Variants in GPC5 observed in about 807,000 individuals in gnomAD.
GPC5 encodes glypican-5.
In GPC5, 47 loss-of-function variants were observed where a neutral mutation model predicts 53.9. The observed-to-expected ratio is 0.87, with a 90% CI of 0.69 to 1.11. GPC5 has a LOEUF of 1.11. Among genes scored for constraint, GPC5 ranks in the 50% most tolerant of loss-of-function variants. The probability of loss-of-function intolerance (pLI) is 0.00; values close to 1 mark genes in which losing one functional copy is unlikely to be tolerated. For synonymous variants in GPC5, 286 were observed against 263.3 expected (o/e 1.09, Z -0.84); for missense variants, 748 against 713.1 (o/e 1.05, Z -0.56).
chr13:92,504,964 T>A (rs1880316192), intron 7 of GPC5, among the ~76,000 whole-genome samples: 1 of 149,642 alleles, frequency 6.7e-6, no homozygotes. Context: ...GAAAGTCATA[T>A]CTATATATAT....
At chr13:91,930,500 G>A (rs570128679) in intron 6 of GPC5, among the ~76,000 whole-genome samples, 12 of 151,704 alleles carry the variant, frequency 7.9e-5, no homozygotes, top group South Asian at 6.3e-4. Context: ...AAATTCTACC[G>A]TAGATAAACA....
At chr13:92,199,566 T>G (rs967120768) in intron 7 of GPC5, among the ~76,000 whole-genome samples, 1 of 152,232 alleles carries the variant, frequency 6.6e-6, no homozygotes, top group African/African-American at 2.4e-5. Context: ...CTGTCTACTT[T>G]CAATTAGACT....
At chr13:92,710,231 A>G (rs1888086907) in intron 7 of GPC5, among the ~76,000 whole-genome samples, 1 of 152,186 alleles carries the variant, frequency 6.6e-6, no homozygotes, top group Admixed American at 6.5e-5. Flanking sequence ...TAAATATCAG[A>G]TATATCTTAA....
chr13:91,600,342 AGAGAGAGT>A (rs1374284227), intron 2 of GPC5, among the ~76,000 whole-genome samples: 406 of 50,142 alleles, frequency 8.1e-3, no homozygotes, highest in African/African-American at 0.023. Flanking sequence ...AGAGAGAGAG[AGAGAGAGT>A]GTGTGTGTGT....
chr13:91,584,481 G>C (rs1594291075), intron 2 of GPC5, among the ~76,000 whole-genome samples: 1 of 152,032 alleles, frequency 6.6e-6, no homozygotes, highest in African/African-American at 2.4e-5. Context: ...TAAACTATCA[G>C]TAAATATCTT....
intron 7 of GPC5, among the ~76,000 whole-genome samples, chr13:92,631,326 G>T (rs1002295975): frequency 1.3e-5 from 2 of 151,952 alleles, no homozygotes; most frequent in Non-Finnish European, 2.9e-5. Context: ...TTTACTCTTT[G>T]CATTTCTAGA....
chr13:92,215,137 T>A (rs1226964286), intron 7 of GPC5, among the ~76,000 whole-genome samples: 1 of 152,296 alleles, frequency 6.6e-6, no homozygotes, highest in South Asian at 2.1e-4. Flanking sequence ...CAAAGTATTA[T>A]GCTAGCAGGA....
intron 6 of GPC5, among the ~76,000 whole-genome samples, chr13:92,005,902 G>A (rs2040602345): frequency 6.6e-6 from 1 of 152,140 alleles, no homozygotes; most frequent in Non-Finnish European, 1.5e-5. Context: ...CATAGATAGT[G>A]GGAGAAAAGT....
chr13:91,600,074 C>T (rs899075369), intron 2 of GPC5, among the ~76,000 whole-genome samples: 1 of 152,108 alleles, frequency 6.6e-6, no homozygotes, highest in Non-Finnish European at 1.5e-5. Flanking sequence ...GCACATGCCA[C>T]CACACCCAGC....
At chr13:91,615,434 C>A (rs1471225137) in intron 2 of GPC5, among the ~76,000 whole-genome samples, 1 of 152,106 alleles carries the variant, frequency 6.6e-6, no homozygotes, top group African/African-American at 2.4e-5. Context: ...AAAAAATCAC[C>A]TTTTGCCACA....
At chr13:91,475,411 T>C (rs1259995488) in intron 2 of GPC5, among the ~76,000 whole-genome samples, 1 of 152,200 alleles carries the variant, frequency 6.6e-6, no homozygotes, top group African/African-American at 2.4e-5. Context: ...TTAGCTTTCT[T>C]AGTGTGGAAA....
chr13:92,667,767 A>T (rs9516114), intron 7 of GPC5, among the ~76,000 whole-genome samples: 62,512 of 151,828 alleles, frequency 0.41, 13,075 homozygotes, highest in East Asian at 0.52. Context: ...TACATTTTTT[A>T]AAAATTATAT....
At chr13:92,789,440 C>A (rs1042705867) in intron 7 of GPC5, among the ~76,000 whole-genome samples, 1 of 152,058 alleles carries the variant, frequency 6.6e-6, no homozygotes, top group Non-Finnish European at 1.5e-5. Context: ...CAAGATTACA[C>A]AGGGGAGAAG....
In GPC5 at chr13:91,818,966, CA is replaced by C. The variant is rs200288971; in HGVS notation, c.1280+62547del. Among the ~76,000 whole-genome samples, 1,043 of 151,908 alleles carry C rather than the reference CA, an allele frequency of 6.9e-3. 56 individuals are homozygous for C. Among genetic ancestry groups the C allele is most frequent in the Admixed American group, 0.062 (950 of 15,242 alleles). ...CACACAGTGTAAAACATATATGTGG[CA>C]TTTAATGGATGCATATAAAGTGAAC... On this transcript the variant is annotated intron_variant, in intron 5 of 7. Coordinates refer to ENST00000377067, the MANE Select transcript of GPC5 (RefSeq NM_004466.6).
intron 7 of GPC5, among the ~76,000 whole-genome samples, chr13:92,461,049 T>C (rs1489210430): frequency 6.6e-6 from 1 of 152,136 alleles, no homozygotes. Context: ...TCTACACACA[T>C]GGCTAAGTCA....
chr13:92,724,356 T>G lies in GPC5; in HGVS notation c.1562-141926T>G, dbSNP rs1888580239. Among the ~76,000 whole-genome samples the G allele has an allele frequency of 4.0e-5, 6 of 151,800 alleles. No homozygotes were observed. The South Asian group carries it at 1.2e-3, about 31-fold the overall frequency. ...AATAAAAACAAACAAAACACTTACCTTCTTTATCATGTTAGAACATTATAC... is the reference window on the plus strand; with the variant it reads ...AATAAAAACAAACAAAACACTTACCGTCTTTATCATGTTAGAACATTATAC... On this transcript the variant is annotated intron_variant, in intron 7 of 7. Transcript: ENST00000377067.
rs184553726 is a variant in GPC5 at position 92,242,438 on chromosome 13, T to C, written c.1561+97449T>C. On this transcript the variant is annotated intron_variant, in intron 7 of 7. Transcript: ENST00000377067. ...GCCTGTTTAGAATTTGTTTTCGTGTTTTGTTCTGATCCTATTTTTTAAGAG... is the reference window on the plus strand; with the variant it reads ...GCCTGTTTAGAATTTGTTTTCGTGTCTTGTTCTGATCCTATTTTTTAAGAG... Among the ~76,000 whole-genome samples, 340 of 152,198 alleles carry C rather than the reference T, an allele frequency of 2.2e-3. 1 individual carries two copies. Among genetic ancestry groups the C allele is most frequent in the African/African-American group, 7.8e-3 (324 of 41,540 alleles).
chr13:91,948,221 CTG>C (rs2039992601), intron 6 of GPC5, among the ~76,000 whole-genome samples: 4 of 66,906 alleles, frequency 6.0e-5, no homozygotes, highest in Non-Finnish European at 1.2e-4. Context: ...GAGGGAGACT[CTG>C]TCTCAAAAAA....
At chr13:92,273,718 A>G (rs996520748) in intron 7 of GPC5, among the ~76,000 whole-genome samples, 6 of 152,166 alleles carry the variant, frequency 3.9e-5, no homozygotes, top group African/African-American at 1.4e-4. Flanking sequence ...AGGAAGCTCA[A>G]ACGTCTACTC....
Sources: gnomAD v4.1 joint callset for allele counts (sites outside exome capture counted in the v4.1 genomes callset) on GRCh38, gnomAD v4.1.1 for gene constraint, MANE v1.5 for transcripts, NCBI Gene and HGNC (gene_info 2026-07-23, HGNC 2026-07-21) for gene names.